The following PTPRM variants were observed in gnomAD, a reference collection of about 807,000 sequenced individuals.
PTPRM encodes receptor-type tyrosine-protein phosphatase mu.
In PTPRM, 47 loss-of-function variants were observed where a neutral mutation model predicts 186.7. The ratio of observed to expected loss-of-function variants is 0.25; its 90% CI spans 0.20 to 0.32. The LOEUF is 0.32. PTPRM is among the 10% of genes least tolerant of loss of function. The pLI, the probability that PTPRM is intolerant of heterozygous loss-of-function variation, is 1.00. For synonymous variants in PTPRM, 668 were observed against 674.9 expected (o/e 0.99, Z 0.16); for missense variants, 1,494 against 1,865.0 (o/e 0.80, Z 3.66).
intron 14 of PTPRM, among the ~76,000 whole-genome samples, chr18:8,172,303 C>G (rs1426274985): frequency 1.4e-5 from 2 of 147,866 alleles, no homozygotes; most frequent in Non-Finnish European, 1.5e-5. Context: ...ACAGACTTAC[C>G]TATTCCCTGC....
intron 14 of PTPRM, among the ~76,000 whole-genome samples, chr18:8,176,545 C>CT (rs2093485099): frequency 6.6e-6 from 1 of 152,148 alleles, no homozygotes; most frequent in South Asian, 2.1e-4. Context: ...TTGCTGTCAA[C>CT]TATTAAGCTT....
At chr18:7,631,922 A>G (rs1294703634) in intron 1 of PTPRM, among the ~76,000 whole-genome samples, 1 of 152,208 alleles carries the variant, frequency 6.6e-6, no homozygotes, top group East Asian at 1.9e-4. Flanking sequence ...ATGAAATTTG[A>G]TTGTCAATAT....
chr18:7,955,626 C>A (rs1432314088), intron 7 of PTPRM, among the ~76,000 whole-genome samples: 1 of 152,164 alleles, frequency 6.6e-6, no homozygotes. Flanking sequence ...AGCCTGCCCC[C>A]ACCCTTTTTC....
chr18:7,616,235 C>T (rs1394426971), intron 1 of PTPRM, among the ~76,000 whole-genome samples: 3 of 152,100 alleles, frequency 2.0e-5, no homozygotes, highest in Non-Finnish European at 2.9e-5. Flanking sequence ...CTGCTCACTG[C>T]GGCCTTGACC....
At chr18:7,590,168 G>A (rs1270576855) in intron 1 of PTPRM, among the ~76,000 whole-genome samples, 2 of 152,222 alleles carry the variant, frequency 1.3e-5, no homozygotes, top group East Asian at 1.9e-4. Flanking sequence ...AGAAAATGAC[G>A]AAGCACAGGG....
At chr18:8,309,158 C>G (rs2095249097) in intron 20 of PTPRM, among the ~76,000 whole-genome samples, 1 of 152,176 alleles carries the variant, frequency 6.6e-6, no homozygotes, top group Admixed American at 6.5e-5. Context: ...CAGTACGTTT[C>G]AAGATGCACA....
chr18:7,934,382 A>G (rs774178994), intron 5 of PTPRM, among the ~76,000 whole-genome samples: 6 of 152,174 alleles, frequency 3.9e-5, no homozygotes, highest in Non-Finnish European at 7.4e-5. Context: ...CAATCGTGAA[A>G]AAAGTATGTT....
chr18:8,137,266 C>T (rs555270726), intron 13 of PTPRM, among the ~76,000 whole-genome samples: 1 of 152,116 alleles, frequency 6.6e-6, no homozygotes, highest in African/African-American at 2.4e-5. Context: ...GGTTTGCCAC[C>T]GAAACCTTTT....
chr18:8,288,697 TGATCA>T (rs1445196304), intron 19 of PTPRM, among the ~76,000 whole-genome samples: 1 of 152,194 alleles, frequency 6.6e-6, no homozygotes, highest in Non-Finnish European at 1.5e-5. Context: ...TCTTGCCACT[TGATCA>T]ATGGTTCTCA....
At position 8,346,460 on chromosome 18, in the gene PTPRM, A is replaced by G. The variant is rs560491874; in HGVS notation, c.3054+2940A>G. 1.1e-4 allele frequency among the ~76,000 whole-genome samples: 17 copies of G among 152,248 alleles called. No homozygotes were observed. The South Asian group carries it at 3.5e-3, about 32-fold the overall frequency. On this transcript the variant is annotated intron_variant, in intron 23 of 32. Transcript: ENST00000580170. ...CTCTTCTTACAAGGACACGAATCCTATTGGGTGAGGGCCCCACCTTAATGA... is the reference window on the plus strand; with the variant it reads ...CTCTTCTTACAAGGACACGAATCCTGTTGGGTGAGGGCCCCACCTTAATGA...
chr18:7,911,319 A>T (rs2050250414), intron 4 of PTPRM, among the ~76,000 whole-genome samples: 1 of 152,194 alleles, frequency 6.6e-6, no homozygotes, highest in Non-Finnish European at 1.5e-5. Flanking sequence ...AAGAACTGTG[A>T]AATTGTTTTT....
At chr18:7,741,678 T>A (rs1034744980) in intron 1 of PTPRM, 1 of 152,216 alleles carries the variant, frequency 6.6e-6, no homozygotes, top group Admixed American at 6.5e-5. Context: ...GGCAAATAAA[T>A]CTTAAGGAAT....
chr18:8,392,390 C>T (rs1276568175), intron 31 of PTPRM, among the ~76,000 whole-genome samples: 6 of 152,068 alleles, frequency 3.9e-5, no homozygotes, highest in East Asian at 1.9e-4. Context: ...TTTGGGAGGC[C>T]GGGGCGGGCA....
At chr18:8,046,198 A>G (rs1007727320) in intron 7 of PTPRM, among the ~76,000 whole-genome samples, 2 of 152,084 alleles carry the variant, frequency 1.3e-5, no homozygotes, top group Admixed American at 6.5e-5. Context: ...GATCTCCCCA[A>G]CCGTCCAGCC....
intron 23 of PTPRM, among the ~76,000 whole-genome samples, chr18:8,352,462 T>C (rs1273333171): frequency 6.6e-6 from 1 of 152,114 alleles, no homozygotes; most frequent in Non-Finnish European, 1.5e-5. Flanking sequence ...CCTTTTATAT[T>C]CCCCAGTGTT....
chr18:8,112,080 G>A (rs1298159767), intron 11 of PTPRM, among the ~76,000 whole-genome samples: 5 of 152,146 alleles, frequency 3.3e-5, no homozygotes, highest in African/African-American at 2.4e-5. Flanking sequence ...GACTCAATCC[G>A]ATAGAAAGTA....
intron 26 of PTPRM, chr18:8,377,731 C>G (rs1331209299): frequency 6.6e-6 from 1 of 152,032 alleles, no homozygotes; most frequent in African/African-American, 2.4e-5. Context: ...ATTAGAGGCC[C>G]CATATTTACA....
rs1471060060 is a variant in PTPRM, at chr18:7,890,920, T to C, written c.468+2543T>C. 3.3e-5 allele frequency among the ~76,000 whole-genome samples: 5 copies of C among 152,184 alleles called. No individual in the cohort carries two copies. In the East Asian group the frequency reaches 9.6e-4, roughly 29 times the overall value. ...ACAGGTATAAAGCAATACATTAAAT[T>C]CTATTTTTAAGTTTAAAAAATCTAA... On this transcript the variant is annotated intron_variant, in intron 3 of 32. Coordinates refer to ENST00000580170, the MANE Select transcript of PTPRM (RefSeq NM_001105244.2).
intron 7 of PTPRM, among the ~76,000 whole-genome samples, chr18:8,014,484 A>G (rs2084736098): frequency 6.6e-6 from 1 of 152,194 alleles, no homozygotes; most frequent in Non-Finnish European, 1.5e-5. Flanking sequence ...ATACTCACAC[A>G]CTGAAGGAAA....
Sources: gnomAD v4.1 joint callset for allele counts (sites outside exome capture counted in the v4.1 genomes callset) on GRCh38, gnomAD v4.1.1 for gene constraint, MANE v1.5 for transcripts, NCBI Gene and HGNC (gene_info 2026-07-23, HGNC 2026-07-21) for gene names.